The following TRPA1 variants were observed in gnomAD, a reference collection of about 807,000 sequenced individuals.
TRPA1 encodes ankyrin-like with transmembrane domains 1.
Under a neutral mutation model 131.3 loss-of-function variants are expected in TRPA1, and 129 were observed. The ratio of observed to expected loss-of-function variants is 0.98; its 90% CI spans 0.85 to 1.14. The LOEUF is 1.14. Ranked by LOEUF, TRPA1 falls within the 50% of genes most tolerant of loss-of-function variation. The pLI is 0.00. For missense variants in TRPA1, 1,304 were observed against 1,354.2 expected, an observed-to-expected ratio of 0.96 and a Z score of 0.58; for synonymous variants, 441 against 451.7, an observed-to-expected ratio of 0.98 and a Z score of 0.30.
chr8:72,077,553 A>T (rs903056168), upstream of TRPA1, among the ~76,000 whole-genome samples: 2 of 152,226 alleles, frequency 1.3e-5, no homozygotes, highest in Non-Finnish European at 2.9e-5. Flanking sequence ...TATAAAAGCA[A>T]ATAGATTAAA....
At chr8:72,073,937 C>A (rs1806119242) in intron 1 of TRPA1, among the ~76,000 whole-genome samples, 1 of 152,190 alleles carries the variant, frequency 6.6e-6, no homozygotes, top group Admixed American at 6.5e-5. Context: ...AACAGACTCA[C>A]CTTGGGAGGC....
chr8:72,063,384 G>GA (rs34929058), intron 5 of TRPA1, 79 bp downstream of exon 5: 4,088 of 913,598 alleles, frequency 4.5e-3, no homozygotes, highest in Non-Finnish European at 5.8e-3. Context: ...CATCTCAAAA[G>GA]AAAAAAAAAA....
Position 72,051,563 on chromosome 8 carries a change from T to C in TRPA1, c.1812-692A>G, listed in dbSNP as rs1805509397. ...ACATTATCAAAAGAAAAGTTTGGAT[T>C]GAACACTTTCATTAAAAGTGCTTTA... On this transcript the variant is annotated intron_variant, in intron 14 of 26. Transcript: ENST00000262209. 3.3e-5 allele frequency among the ~76,000 whole-genome samples: 5 copies of C among 152,300 alleles called. No individual in the cohort carries two copies. The South Asian group carries it at 1.0e-3, about 32-fold the overall frequency.
At chr8:72,084,347 A>C in the TRPA1 span, among the ~76,000 whole-genome samples, 1 of 152,000 alleles carries the variant, frequency 6.6e-6, no homozygotes, top group Non-Finnish European at 1.5e-5. Flanking sequence ...TATCCTCATA[A>C]ATTTCTAAAT....
the TRPA1 span, among the ~76,000 whole-genome samples, chr8:72,084,492 T>C: frequency 6.6e-6 from 1 of 151,318 alleles, no homozygotes; most frequent in Non-Finnish European, 1.5e-5. Flanking sequence ...TATTTTTTTG[T>C]TTCTTATGAA....
chr8:72,064,228 A>G (rs1441750558), intron 4 of TRPA1, among the ~76,000 whole-genome samples: 2 of 148,210 alleles, frequency 1.3e-5, no homozygotes, highest in Non-Finnish European at 3.0e-5. Context: ...GTATCAGTTT[A>G]CTCTATACAT....
Position 72,022,796 on chromosome 8 carries a change from A to C in TRPA1, c.*110T>G, listed in dbSNP as rs908548183. On this transcript the variant is annotated 3_prime_UTR_variant, in exon 27 of 27. Transcript: ENST00000262209. Reference sequence around the variant, plus strand: ...TACAGCATGCAGGAACCATGATTTCACACGCAGCAAAATGAATCATTCTGC... The same window carrying C: ...TACAGCATGCAGGAACCATGATTTCCCACGCAGCAAAATGAATCATTCTGC... 6 of 1,007,802 alleles carry C rather than the reference A, an allele frequency of 6.0e-6. No individual in the cohort carries two copies. The African/African-American group carries it at 8.0e-5, about 13-fold the overall frequency. The allele number at this position is 1,007,802 out of a possible 1,614,324, so 62.4% of individuals were successfully genotyped here.
chr8:72,053,552 C>A, intron 13 of TRPA1: 1 of 595,408 alleles, frequency 1.7e-6, no homozygotes, highest in Non-Finnish European at 3.0e-6. Context: ...GTTTCCCCAA[C>A]ATTCACCCAC....
At chr8:72,080,699 A>G in the TRPA1 span, among the ~76,000 whole-genome samples, 3 of 151,802 alleles carry the variant, frequency 2.0e-5, no homozygotes, top group African/African-American at 4.8e-5. Context: ...TTGGGAAGAT[A>G]TTTAATTACT....
chr8:72,037,936 CAT>C (rs1270459239), intron 20 of TRPA1, 45 bp downstream of exon 20: 1 of 1,102,286 alleles, frequency 9.1e-7, no homozygotes, highest in East Asian at 2.4e-5. Context: ...TTATGTTCTG[CAT>C]ATGAAAATAT....
chr8:72,028,461 T>A (rs1401037518), intron 24 of TRPA1, among the ~76,000 whole-genome samples: 1 of 152,226 alleles, frequency 6.6e-6, no homozygotes, highest in Non-Finnish European at 1.5e-5. Context: ...ACGGTATCGA[T>A]GTCCTGTTAA....
intron 24 of TRPA1, among the ~76,000 whole-genome samples, chr8:72,026,500 A>C (rs1369873047): frequency 6.6e-6 from 1 of 152,206 alleles, no homozygotes; most frequent in Non-Finnish European, 1.5e-5. Flanking sequence ...GCACGTGCAC[A>C]CATGTATACA....
intron 20 of TRPA1, among the ~76,000 whole-genome samples, chr8:72,037,133 T>C (rs1812078327): frequency 1.3e-5 from 2 of 152,138 alleles, no homozygotes; most frequent in Non-Finnish European, 2.9e-5. Flanking sequence ...AACATTACAG[T>C]CTATCAGAAT....
intron 12 of TRPA1, chr8:72,055,193 CAGAATATT>C (rs59090747): frequency 0.53 from 264,537 of 499,386 alleles, 70,425 homozygotes; most frequent in East Asian, 0.68. Flanking sequence ...ATTCTGTGAA[CAGAATATT>C]CTTGAACAAG....
chr8:72,078,224 A>G (rs1045728986), upstream of TRPA1, among the ~76,000 whole-genome samples: 1 of 152,124 alleles, frequency 6.6e-6, no homozygotes, highest in Non-Finnish European at 1.5e-5. Flanking sequence ...GGCCCAATAT[A>G]CATGCTAAGG....
chr8:72,071,983 GA>G, intron 1 of TRPA1, 116 bp from the exon 2 acceptor site: 1 of 932,550 alleles, frequency 1.1e-6, no homozygotes, highest in East Asian at 2.6e-5. Flanking sequence ...ATGCTTATAT[GA>G]GGTAAATATT....
chr8:72,075,248 A>T, intron 1 of TRPA1, 51 bp downstream of exon 1: 1 of 1,441,096 alleles, frequency 6.9e-7, no homozygotes, highest in Middle Eastern at 1.7e-4. Context: ...CCTCCAGCCG[A>T]CCCCCGCCCG....
intron 4 of TRPA1, among the ~76,000 whole-genome samples, chr8:72,065,036 T>C (rs1202047532): frequency 6.6e-6 from 1 of 152,206 alleles, no homozygotes; most frequent in Non-Finnish European, 1.5e-5. Flanking sequence ...ACTTTTCTCT[T>C]ATGGGCCAAA....
chr8:72,067,281 G>C (rs1805954951), intron 3 of TRPA1, among the ~76,000 whole-genome samples: 1 of 152,074 alleles, frequency 6.6e-6, no homozygotes, highest in Non-Finnish European at 1.5e-5. Flanking sequence ...CATGAGGGGA[G>C]ACATTCCAAA....
Sources: allele counts gnomAD v4.1 joint callset (sites outside exome capture counted in the v4.1 genomes callset), GRCh38; gene constraint gnomAD v4.1.1; transcripts MANE v1.5; gene names NCBI Gene and HGNC (gene_info 2026-07-23, HGNC 2026-07-21).